CSMD1: variants seen among roughly 807,000 people sequenced by gnomAD.
CSMD1 encodes CUB and Sushi multiple domains 1.
CSMD1 carries 213 observed loss-of-function variants against 417.5 expected under a neutral mutation model. That is an observed-to-expected ratio of 0.51 (90% confidence interval 0.46 to 0.57). CSMD1 has a LOEUF of 0.57. Among genes scored for constraint, CSMD1 ranks in the 20% least tolerant of loss-of-function variants. The pLI is 0.00. For missense variants in CSMD1, 6,923 were observed against 4,529.7 expected, an observed-to-expected ratio of 1.53 and a Z score of -15.17; for synonymous variants, 2,862 against 1,736.8, an observed-to-expected ratio of 1.65 and a Z score of -16.11.
chr8:4,140,596 A>C (rs1222616540), intron 3 of CSMD1, among the ~76,000 whole-genome samples: 4 of 151,022 alleles, frequency 2.6e-5, no homozygotes, highest in Admixed American at 2.0e-4. Context: ...TGAACCCAAG[A>C]GGTCAAGGCT....
chr8:4,212,156 A>C (rs535951972), intron 3 of CSMD1, among the ~76,000 whole-genome samples: 46 of 149,022 alleles, frequency 3.1e-4, no homozygotes, highest in African/African-American at 1.0e-3. Flanking sequence ...GATAAAAAAG[A>C]CTCTGTCACT....
chr8:3,399,302 C>A, intron 16 of CSMD1, 89 bp downstream of exon 16: 1 of 1,269,174 alleles, frequency 7.9e-7, no homozygotes. Flanking sequence ...AAAAAAACTG[C>A]CATCTTTTTA....
At chr8:4,020,777 G>C (rs1011792909) in intron 4 of CSMD1, among the ~76,000 whole-genome samples, 6 of 152,168 alleles carry the variant, frequency 3.9e-5, no homozygotes, top group South Asian at 2.1e-4. Context: ...CTTGAGATAA[G>C]GTCTGAAATG....
chr8:4,423,062 A>G (rs997284946), intron 2 of CSMD1, among the ~76,000 whole-genome samples: 1 of 152,080 alleles, frequency 6.6e-6, no homozygotes, highest in Admixed American at 6.6e-5. Context: ...AAAAATAAAA[A>G]AAATTTAAAA....
At chr8:4,289,903 G>T (rs931957522) in intron 3 of CSMD1, among the ~76,000 whole-genome samples, 2 of 152,176 alleles carry the variant, frequency 1.3e-5, no homozygotes, top group Non-Finnish European at 2.9e-5. Context: ...GAATCAAATG[G>T]TACCTCTGAG....
chr8:4,616,677 G>C (rs1223494051), intron 2 of CSMD1, among the ~76,000 whole-genome samples: 1 of 152,154 alleles, frequency 6.6e-6, no homozygotes, highest in Non-Finnish European at 1.5e-5. Context: ...ACAGTAAACT[G>C]ACTTTAAAAG....
chr8:3,386,915 C>T (rs1019315422), intron 18 of CSMD1, among the ~76,000 whole-genome samples: 3 of 152,090 alleles, frequency 2.0e-5, no homozygotes, highest in African/African-American at 7.2e-5. Context: ...TAACGTTGAG[C>T]AATACAATAA....
chr8:4,287,627 A>C (rs987649813), intron 3 of CSMD1, among the ~76,000 whole-genome samples: 1 of 151,142 alleles, frequency 6.6e-6, no homozygotes, highest in South Asian at 2.1e-4. Context: ...AACCTTAATT[A>C]AATGCTGGCT....
intron 1 of CSMD1, among the ~76,000 whole-genome samples, chr8:4,842,365 ACTT>A (rs989281174): frequency 1.2e-4 from 18 of 152,170 alleles, no homozygotes; most frequent in Non-Finnish European, 2.1e-4. Flanking sequence ...TTAAATTAAA[ACTT>A]CTTCTTAATT....
chr8:4,610,545 A>T (rs1801114893), intron 2 of CSMD1, among the ~76,000 whole-genome samples: 1 of 152,188 alleles, frequency 6.6e-6, no homozygotes, highest in African/African-American at 2.4e-5. Context: ...CCCAGGAGGT[A>T]TCATGTTTGC....
intron 5 of CSMD1, among the ~76,000 whole-genome samples, chr8:3,994,264 A>T (rs1037988217): frequency 6.6e-6 from 1 of 152,126 alleles, no homozygotes; most frequent in African/African-American, 2.4e-5. Context: ...ATATAAGTTC[A>T]TATTTTAAAG....
intron 3 of CSMD1, among the ~76,000 whole-genome samples, chr8:4,271,227 C>T (rs1288983779): frequency 1.3e-5 from 2 of 152,058 alleles, no homozygotes; most frequent in African/African-American, 4.8e-5. Flanking sequence ...ATGCGATATA[C>T]ACGAATCAGG....
At position 3,596,577 on chromosome 8, in the gene CSMD1, A is replaced by C. The variant is rs149401046; in HGVS notation, c.1098-10317T>G. 3.1e-3 allele frequency among the ~76,000 whole-genome samples: 467 copies of C among 152,248 alleles called. 4 individuals are homozygous for C. Among genetic ancestry groups the C allele is most frequent in the African/African-American group, 0.011 (451 of 41,542 alleles). On this transcript the variant is annotated intron_variant, in intron 8 of 69. Transcript: ENST00000635120. Reference sequence around the variant, plus strand: ...TCAGTAAACAATCCTAAATACACAGAGACTGTTCGGCAAATATTTCCTCCC... The same window carrying C: ...TCAGTAAACAATCCTAAATACACAGCGACTGTTCGGCAAATATTTCCTCCC...
At chr8:4,867,060 C>T (rs1436901131) in intron 1 of CSMD1, among the ~76,000 whole-genome samples, 1 of 151,940 alleles carries the variant, frequency 6.6e-6, no homozygotes, top group Non-Finnish European at 1.5e-5. Context: ...TTAAGCCATA[C>T]AGAAAGTAAT....
chr8:4,661,190 A>G (rs1214630260), intron 1 of CSMD1, among the ~76,000 whole-genome samples: 1 of 152,198 alleles, frequency 6.6e-6, no homozygotes, highest in African/African-American at 2.4e-5. Flanking sequence ...GTTATCTGGA[A>G]TAAGCAAAAA....
Position 3,928,605 on chromosome 8 carries a change from T to C in CSMD1, c.818+69298A>G, listed in dbSNP as rs77404066. On this transcript the variant is annotated intron_variant, in intron 5 of 69. Coordinates refer to ENST00000635120, the MANE Select transcript of CSMD1 (RefSeq NM_033225.6). ...TTCCATCCACCAATATAATAGATGA[T>C]GTCATAAGAAGGAGAAGGAAGTAAT... Among the ~76,000 whole-genome samples the C allele has an allele frequency of 3.5e-5, 5 of 144,620 alleles. No individual in the cohort carries two copies. In the East Asian group the frequency reaches 1.0e-3, roughly 29 times the overall value. The allele number at this position is 144,620 out of a possible 152,430, so 94.9% of individuals were successfully genotyped here.
rs368534632 is a variant in CSMD1 at position 4,332,552 on chromosome 8, T to TACACACAC, written c.415+87393_415+87400dup. 3.6e-3 allele frequency among the ~76,000 whole-genome samples: 470 copies of TACACACAC among 128,794 alleles called. 3 individuals carry two copies. Among genetic ancestry groups the TACACACAC allele is most frequent in the East Asian group, 8.6e-3 (33 of 3,822 alleles). 84.5% of individuals were successfully genotyped at this position (128,794 alleles called of 152,430 possible). ...AATACCCTTCTGTCATGATATCACA[T>TACACACAC]ACACACACACACACACACACACACA... On this transcript the variant is annotated intron_variant, in intron 3 of 69. Transcript: ENST00000635120.
chr8:4,080,672 C>T (rs1053001406), intron 3 of CSMD1, among the ~76,000 whole-genome samples: 1 of 152,132 alleles, frequency 6.6e-6, no homozygotes, highest in Non-Finnish European at 1.5e-5. Flanking sequence ...GTAACAGAAT[C>T]ACTGAAAATG....
intron 25 of CSMD1, among the ~76,000 whole-genome samples, chr8:3,299,201 C>A (rs955712743): frequency 1.3e-5 from 2 of 152,078 alleles, no homozygotes; most frequent in African/African-American, 4.8e-5. Context: ...CCTGTAATCC[C>A]AGTATTTTGG....
Sources: allele counts gnomAD v4.1 joint callset (sites outside exome capture counted in the v4.1 genomes callset), GRCh38; gene constraint gnomAD v4.1.1; transcripts MANE v1.5; gene names NCBI Gene and HGNC (gene_info 2026-07-23, HGNC 2026-07-21).